Variants in GPR158 observed in about 807,000 individuals in gnomAD.
The protein encoded by GPR158 is metabotropic glycine receptor.
In GPR158, 30 loss-of-function variants were observed where a neutral mutation model predicts 78.2. That is an observed-to-expected ratio of 0.38 (90% CI 0.29 to 0.52). The LOEUF (loss-of-function observed/expected upper bound fraction) is 0.52, where lower values mean the gene tolerates loss of function less well. GPR158 is among the 20% of genes least tolerant of loss of function. GPR158 has a pLI of 0.83. For missense variants in GPR158, 1,463 were observed against 1,523.5 expected, an observed-to-expected ratio of 0.96 and a Z score of 0.66; for synonymous variants, 581 against 591.1, an observed-to-expected ratio of 0.98 and a Z score of 0.25.
chr10:25,273,134 C>G (rs183074467), intron 2 of GPR158, among the ~76,000 whole-genome samples: 114 of 152,294 alleles, frequency 7.5e-4, no homozygotes, highest in African/African-American at 2.5e-3. Flanking sequence ...TGAAAATGCA[C>G]CTTCCACATC....
At chr10:25,253,665 A>G (rs550311920) in intron 2 of GPR158, among the ~76,000 whole-genome samples, 241 of 152,316 alleles carry the variant, frequency 1.6e-3, no homozygotes, top group Non-Finnish European at 2.8e-3. Flanking sequence ...CTCTATAAAC[A>G]TATGAGCCAT....
At chr10:25,246,873 G>A (rs568971252) in intron 2 of GPR158, among the ~76,000 whole-genome samples, 35 of 152,274 alleles carry the variant, frequency 2.3e-4, no homozygotes, top group Non-Finnish European at 2.8e-4. Flanking sequence ...ATATGTTCAG[G>A]ATGGGCACTC....
At chr10:25,333,707 A>G (rs1251109618) in intron 2 of GPR158, among the ~76,000 whole-genome samples, 1 of 152,186 alleles carries the variant, frequency 6.6e-6, no homozygotes, top group Admixed American at 6.5e-5. Flanking sequence ...GAAGAGGCTA[A>G]AGACATATTA....
chr10:25,495,896 G>A (rs1835873934), intron 5 of GPR158, among the ~76,000 whole-genome samples: 1 of 151,956 alleles, frequency 6.6e-6, no homozygotes, highest in Admixed American at 6.6e-5. Flanking sequence ...TTCAACCTCA[G>A]CACATTCTGG....
intron 2 of GPR158, among the ~76,000 whole-genome samples, chr10:25,247,908 T>C (rs1359518420): frequency 1.3e-5 from 2 of 148,408 alleles, no homozygotes; most frequent in South Asian, 4.4e-4. Flanking sequence ...TCCACAATGG[T>C]TGAACTAGTT....
chr10:25,236,494 C>G (rs941999544), intron 2 of GPR158, among the ~76,000 whole-genome samples: 21 of 152,212 alleles, frequency 1.4e-4, no homozygotes, highest in Admixed American at 7.8e-4. Flanking sequence ...GGCGACAGAG[C>G]GAGACTCCGT....
chr10:25,356,248 C>T (rs1855549539), intron 2 of GPR158, among the ~76,000 whole-genome samples: 2 of 151,972 alleles, frequency 1.3e-5, no homozygotes, highest in African/African-American at 4.8e-5. Flanking sequence ...GGCCCAGGAA[C>T]CTGCCTATCC....
At chr10:25,551,795 G>A (rs1440508440) in intron 6 of GPR158, among the ~76,000 whole-genome samples, 4 of 152,136 alleles carry the variant, frequency 2.6e-5, no homozygotes, top group Non-Finnish European at 5.9e-5. Flanking sequence ...TGGTGCCAAA[G>A]AGCATAGGAG....
At chr10:25,420,310 C>T (rs1834731918) in intron 4 of GPR158, among the ~76,000 whole-genome samples, 1 of 111,076 alleles carries the variant, frequency 9.0e-6, no homozygotes, top group African/African-American at 3.2e-5. Context: ...CCACCAACTC[C>T]AGCTATTTTT....
chr10:25,592,337 C>T (rs995341399), intron 8 of GPR158, among the ~76,000 whole-genome samples: 3 of 151,884 alleles, frequency 2.0e-5, no homozygotes, highest in Non-Finnish European at 4.4e-5. Flanking sequence ...TTTTTCCCAG[C>T]CTGTTATAAT....
intron 3 of GPR158, among the ~76,000 whole-genome samples, chr10:25,407,898 A>G (rs1350500559): frequency 6.6e-6 from 1 of 152,118 alleles, no homozygotes; most frequent in Non-Finnish European, 1.5e-5. Context: ...AAAGCATATC[A>G]TGTTACTCCT....
At position 25,278,036 on chromosome 10, in the gene GPR158, A is replaced by G. The variant is rs1209937656; in HGVS notation, c.1008+56879A>G. 3.9e-5 allele frequency among the ~76,000 whole-genome samples: 6 copies of G among 152,280 alleles called. No individual in the cohort carries two copies. In the East Asian group the frequency reaches 9.7e-4, roughly 25 times the overall value. Reference sequence around the variant, plus strand: ...TTAAAAAAACCACCTGCAGCTCAAGACCTCAAAATTCCTAGGGACTGAGTT... The same window carrying G: ...TTAAAAAAACCACCTGCAGCTCAAGGCCTCAAAATTCCTAGGGACTGAGTT... On this transcript the variant is annotated intron_variant, in intron 2 of 10. Coordinates refer to ENST00000376351, the MANE Select transcript of GPR158 (RefSeq NM_020752.3).
At chr10:25,453,225 C>T (rs551282767) in intron 4 of GPR158, among the ~76,000 whole-genome samples, 2 of 152,248 alleles carry the variant, frequency 1.3e-5, no homozygotes, top group African/African-American at 4.8e-5. Flanking sequence ...ATTTCATTTC[C>T]TTTGAATATA....
intron 1 of GPR158, among the ~76,000 whole-genome samples, chr10:25,194,400 G>A (rs761563916): frequency 4.6e-5 from 7 of 152,120 alleles, no homozygotes; most frequent in East Asian, 1.9e-4. Flanking sequence ...TTAGCCAAGC[G>A]TGGTGGTGCA....
intron 2 of GPR158, among the ~76,000 whole-genome samples, chr10:25,269,681 T>G (rs1473836796): frequency 7.9e-5 from 12 of 152,172 alleles, no homozygotes; most frequent in Non-Finnish European, 2.9e-5. Flanking sequence ...AGTTAAACCA[T>G]TTAGCTCTCA....
In GPR158 at chr10:25,527,442, A is replaced by T. The variant is rs931617965; in HGVS notation, c.1405-23534A>T. ...TAAATTAGTAATCAATGATATGTTA[A>T]CTTAAAAGCCCCAAATATTTGGAAA... On this transcript the variant is annotated intron_variant, in intron 5 of 10. Transcript: ENST00000376351. Among the ~76,000 whole-genome samples, 6 of 152,196 alleles carry T rather than the reference A, an allele frequency of 3.9e-5. 1 individual carries two copies. In the South Asian group the frequency reaches 1.2e-3, roughly 31 times the overall value.
chr10:25,298,180 GGC>G (rs1854542724), intron 2 of GPR158, among the ~76,000 whole-genome samples: 1 of 152,104 alleles, frequency 6.6e-6, no homozygotes, highest in African/African-American at 2.4e-5. Context: ...TGTGTTGTAA[GGC>G]TTAATTCTAG....
intron 2 of GPR158, among the ~76,000 whole-genome samples, chr10:25,334,406 T>C (rs1478733853): frequency 6.6e-6 from 1 of 151,700 alleles, no homozygotes; most frequent in African/African-American, 2.4e-5. Context: ...ATTTTTGTCC[T>C]GCTGGAAACC....
intron 10 of GPR158, among the ~76,000 whole-genome samples, chr10:25,597,401 G>T (rs1043060458): frequency 6.6e-6 from 1 of 152,182 alleles, no homozygotes; most frequent in African/African-American, 2.4e-5. Context: ...TGTACAAAGT[G>T]CTTGCTCCTT....
Sources: gnomAD v4.1 joint callset for allele counts (sites outside exome capture counted in the v4.1 genomes callset) on GRCh38, gnomAD v4.1.1 for gene constraint, MANE v1.5 for transcripts, NCBI Gene and HGNC (gene_info 2026-07-23, HGNC 2026-07-21) for gene names.